RSF1: variants seen among roughly 807,000 people sequenced by gnomAD.
RSF1 encodes remodeling and spacing factor 1.
A neutral mutation model predicts 145.2 loss-of-function variants in RSF1; 13 were observed. The ratio of observed to expected loss-of-function variants is 0.09; its 90% confidence interval spans 0.06 to 0.14. RSF1 has a LOEUF of 0.14. Among genes scored for constraint, RSF1 ranks in the 10% least tolerant of loss-of-function variants. The probability of loss-of-function intolerance (pLI) is 1.00; values close to 1 mark genes in which losing one functional copy is unlikely to be tolerated. For synonymous variants in RSF1, 577 were observed against 592.6 expected (o/e 0.97, Z 0.38); for missense variants, 1,517 against 1,718.2 (o/e 0.88, Z 2.07).
At chr11:77,694,194 A>G (rs1184174984) in intron 7 of RSF1, among the ~76,000 whole-genome samples, 2 of 152,246 alleles carry the variant, frequency 1.3e-5, no homozygotes, top group African/African-American at 2.4e-5. Context: ...GTATATAGTC[A>G]TAAAGGCTAT....
intron 2 of RSF1, among the ~76,000 whole-genome samples, chr11:77,750,133 A>T (rs762022459): frequency 6.6e-6 from 1 of 152,346 alleles, no homozygotes; most frequent in Non-Finnish European, 1.5e-5. Context: ...AGCTATGCAC[A>T]AAACAGCTAT....
At chr11:77,711,694 A>T (rs1960689831) in intron 5 of RSF1, among the ~76,000 whole-genome samples, 1 of 151,808 alleles carries the variant, frequency 6.6e-6, no homozygotes, top group African/African-American at 2.4e-5. Context: ...AAACAAACAA[A>T]CTTAAAGTGC....
At position 77,666,881 on chromosome 11, in the gene RSF1, C is replaced by T. The variant is rs367871559; in HGVS notation, c.*36G>A. On this transcript the variant is annotated 3_prime_UTR_variant, in exon 16 of 16. Coordinates refer to ENST00000308488, the MANE Select transcript of RSF1 (RefSeq NM_016578.4). ...ACTGGCCCGCTGGTGTGAGAGCTAC[C>T]GTGGAATAAATTAGCACAAAAATGG... 5.7e-5 allele frequency: 84 copies of T among 1,479,482 alleles called. No homozygotes were observed. Among genetic ancestry groups the T allele is most frequent in the Non-Finnish European group, 6.9e-5 (76 of 1,103,070 alleles). The allele number at this position is 1,479,482 out of a possible 1,614,324, so 91.6% of individuals were successfully genotyped here.
At chr11:77,669,386 A>T (rs567716781) in intron 15 of RSF1, among the ~76,000 whole-genome samples, 1 of 152,286 alleles carries the variant, frequency 6.6e-6, no homozygotes, top group South Asian at 2.1e-4. Context: ...AAAATGTGGG[A>T]TGGTTTGCTT....
intron 4 of RSF1, among the ~76,000 whole-genome samples, chr11:77,736,782 T>C (rs992033651): frequency 2.0e-5 from 3 of 152,208 alleles, no homozygotes; most frequent in South Asian, 2.1e-4. Context: ...AAATCTATTC[T>C]TTACAAGTTG....
intron 3 of RSF1, among the ~76,000 whole-genome samples, chr11:77,744,183 T>TA (rs1189354787): frequency 1.3e-5 from 2 of 152,092 alleles, no homozygotes; most frequent in African/African-American, 4.8e-5. Flanking sequence ...TATGTGCCAC[T>TA]ATGCCCAGCT....
At chr11:77,741,435 T>C (rs991672578) in intron 3 of RSF1, among the ~76,000 whole-genome samples, 1 of 152,032 alleles carries the variant, frequency 6.6e-6, no homozygotes, top group African/African-American at 2.4e-5. Flanking sequence ...CCCAGCTATT[T>C]AGGGGGCTGG....
intron 1 of RSF1, among the ~76,000 whole-genome samples, chr11:77,793,752 G>A (rs1948544380): frequency 6.6e-6 from 1 of 152,150 alleles, no homozygotes; most frequent in Non-Finnish European, 1.5e-5. Context: ...CTGGCTCCAT[G>A]TGCGTCCCTC....
intron 1 of RSF1, chr11:77,813,435 C>A: frequency 8.3e-7 from 1 of 1,210,172 alleles, no homozygotes; most frequent in Non-Finnish European, 1.2e-6. Context: ...GGATTCTCAT[C>A]TGGAAAGGAT....
chr11:77,762,027 C>CTTTTTTTTTTTTTTTTTTTTT (rs781501235), intron 2 of RSF1: 3 of 58,748 alleles, frequency 5.1e-5, no homozygotes, highest in East Asian at 4.9e-4. Flanking sequence ...CTTTTCTTTT[C>CTTTTTTTTTTTTTTTTTTTTT]TTTTTTTTTT....
chr11:77,711,396 G>A (rs1590844539), intron 5 of RSF1, among the ~76,000 whole-genome samples: 1 of 152,198 alleles, frequency 6.6e-6, no homozygotes, highest in Non-Finnish European at 1.5e-5. Context: ...GTGGCCAGGT[G>A]CAGTGGCTCA....
rs1959755217 is a variant in RSF1, at chr11:77,677,997, T to A, written c.3133+89A>T. 2.4e-5 allele frequency: 20 copies of A among 850,982 alleles called. No individual in the cohort carries two copies. In the South Asian group the frequency reaches 2.6e-4, roughly 11 times the overall value. 52.7% of individuals were successfully genotyped at this position (850,982 alleles called of 1,614,324 possible). ...TCATGATACATAACGGGAAAGAGAA[T>A]AAAAACATATGCTCACTGCCCTAAT... On this transcript the variant is annotated intron_variant, in intron 12 of 15. Coordinates refer to ENST00000308488, the MANE Select transcript of RSF1 (RefSeq NM_016578.4).
At chr11:77,821,788 A>C (rs182465981), upstream of RSF1, among the ~76,000 whole-genome samples, 4 of 152,306 alleles carry the variant, frequency 2.6e-5, no homozygotes, top group South Asian at 4.1e-4. Flanking sequence ...ATAATGTAAA[A>C]TAGAATGTGC....
At chr11:77,836,329 A>G in the RSF1 span, among the ~76,000 whole-genome samples, 13 of 152,288 alleles carry the variant, frequency 8.5e-5, 1 homozygote, top group South Asian at 4.1e-4. Context: ...AAATGAGATC[A>G]TAAGAGTCAG....
At chr11:77,869,307 TTTTTC>T in the RSF1 span, 1 of 116,410 alleles carries the variant, frequency 8.6e-6, no homozygotes, top group African/African-American at 4.0e-5. Flanking sequence ...TATTTATCTC[TTTTTC>T]TTTTTTTTTT....
the RSF1 span, among the ~76,000 whole-genome samples, chr11:77,854,179 A>T: frequency 6.6e-6 from 1 of 151,850 alleles, no homozygotes; most frequent in African/African-American, 2.4e-5. Context: ...TTTGTAGTAG[A>T]GACGGGGTTT....
In RSF1 at chr11:77,701,209, C is replaced by T; in HGVS notation, c.2020G>A (p.Glu674Lys). 6.2e-7 allele frequency: 1 copy of T among 1,614,166 alleles called. No individual in the cohort carries two copies. The highest frequency in any genetic ancestry group is 1.7e-4 in the Middle Eastern group (1 of 6,060). Residue 674 changes from glutamate to lysine, a missense_variant, in exon 6 of 16, where the codon GAG becomes AAG. Glu to Lys is a moderately conservative substitution (Grantham distance 56). This residue lies in a region of RSF1 where 579 missense variants were observed against 553.5 expected (regional missense o/e 1.05). Coordinates refer to ENST00000308488, the MANE Select transcript of RSF1 (RefSeq NM_016578.4). Reference protein sequence around the residue: ...VDLETLKEDSEFTKVEMDNLD... With the variant: ...VDLETLKEDSKFTKVEMDNLD... ...TTATCCATTTCTACCTTTGTGAACT[C>T]AGAATCCTCTTTTAGGGTTTCTAGG...
Position 77,665,801 on chromosome 11 carries a change from C to T in RSF1, c.*1116G>A, listed in dbSNP as rs2135803175. ...GCACACACACAAACACACACACACGCTAAAACTCAAACTAAAAACCTCCCA... is the reference window on the plus strand; with the variant it reads ...GCACACACACAAACACACACACACGTTAAAACTCAAACTAAAAACCTCCCA... On this transcript the variant is annotated 3_prime_UTR_variant, in exon 16 of 16. Transcript: ENST00000308488. 1 of 152,172 alleles carries T rather than the reference C, an allele frequency of 6.6e-6. No individual in the cohort carries two copies. The highest frequency in any genetic ancestry group is 2.1e-4 in the South Asian group (1 of 4,820). The allele number at this position is 152,172 out of a possible 1,614,324, so 9.4% of individuals were successfully genotyped here.
intron 1 of RSF1, among the ~76,000 whole-genome samples, chr11:77,780,795 A>AT (rs1206163304): frequency 6.9e-6 from 1 of 145,456 alleles, no homozygotes; most frequent in Non-Finnish European, 1.5e-5. Context: ...ACTGCACTAC[A>AT]GCCTGGGTGA....
Sources: allele counts gnomAD v4.1 joint callset (sites outside exome capture counted in the v4.1 genomes callset), GRCh38; gene constraint gnomAD v4.1.1; regional missense constraint gnomAD v4.1.1; transcripts MANE v1.5; gene names NCBI Gene and HGNC (gene_info 2026-07-23, HGNC 2026-07-21).